Variants in PTPRT observed in about 807,000 individuals in gnomAD.
PTPRT encodes the protein protein tyrosine phosphatase receptor type T, also known as receptor-type tyrosine-protein phosphatase T.
PTPRT carries 56 observed loss-of-function variants against 176.8 expected under a neutral mutation model. That is an observed-to-expected ratio of 0.32 (90% confidence interval 0.26 to 0.40). The LOEUF is 0.40. Ranked by LOEUF, PTPRT falls within the 10% of genes least tolerant of loss-of-function variation. PTPRT has a pLI of 1.00. For synonymous variants in PTPRT, 783 were observed against 739.0 expected, an observed-to-expected ratio of 1.06 and a Z score of -0.96; for missense variants, 1,540 against 1,908.2, an observed-to-expected ratio of 0.81 and a Z score of 3.60.
chr20:42,638,605 G>T (rs945075010), intron 7 of PTPRT, among the ~76,000 whole-genome samples: 3 of 151,978 alleles, frequency 2.0e-5, no homozygotes, highest in Non-Finnish European at 4.4e-5. Flanking sequence ...TTAAAAGCAG[G>T]ATATAAAATA....
intron 7 of PTPRT, among the ~76,000 whole-genome samples, chr20:42,613,778 T>A (rs1283856944): frequency 2.6e-5 from 4 of 152,196 alleles, no homozygotes; most frequent in Non-Finnish European, 5.9e-5. Flanking sequence ...TTCCTTTCTA[T>A]TCAGTCTCTT....
chr20:42,725,959 G>A (rs1432572668), intron 6 of PTPRT, among the ~76,000 whole-genome samples: 1 of 151,680 alleles, frequency 6.6e-6, no homozygotes, highest in Non-Finnish European at 1.5e-5. Context: ...GGTATAATTT[G>A]CCCACCTCAA....
At chr20:42,487,655 G>A (rs763909202) in intron 7 of PTPRT, among the ~76,000 whole-genome samples, 2 of 152,142 alleles carry the variant, frequency 1.3e-5, no homozygotes, top group Non-Finnish European at 2.9e-5. Flanking sequence ...GCAAGCAAAG[G>A]CATAGAAGTG....
intron 9 of PTPRT, among the ~76,000 whole-genome samples, chr20:42,445,770 A>G (rs531494230): frequency 1.3e-5 from 2 of 152,330 alleles, no homozygotes; most frequent in Admixed American, 6.5e-5. Flanking sequence ...TGGGAATGCC[A>G]ACATCCCTGG....
At chr20:42,043,386 T>C in the PTPRT span, among the ~76,000 whole-genome samples, 1 of 152,030 alleles carries the variant, frequency 6.6e-6, no homozygotes, top group Non-Finnish European at 1.5e-5. Context: ...ATAGGAAGAG[T>C]CTATTTCCCA....
chr20:42,293,010 G>T (rs1036615023), intron 12 of PTPRT, among the ~76,000 whole-genome samples: 1 of 152,168 alleles, frequency 6.6e-6, no homozygotes, highest in Non-Finnish European at 1.5e-5. Flanking sequence ...TGCAGGATAG[G>T]TGGCTATTGG....
intron 4 of PTPRT, among the ~76,000 whole-genome samples, chr20:42,773,272 T>G (rs1030086491): frequency 6.6e-6 from 1 of 152,218 alleles, no homozygotes; most frequent in African/African-American, 2.4e-5. Flanking sequence ...CCAAGAATCT[T>G]GGAACAATTA....
rs185494327 is a variant in PTPRT at position 43,109,432 on chromosome 20, G to A, written c.88+80214C>T. Reference sequence around the variant, plus strand: ...ACCCACCAAAACCGGGCCTGATCTCGACTCTGAGCACTTAGTTGTGAGACC... The same window carrying A: ...ACCCACCAAAACCGGGCCTGATCTCAACTCTGAGCACTTAGTTGTGAGACC... On this transcript the variant is annotated intron_variant, in intron 1 of 30. Coordinates refer to ENST00000373187, the MANE Select transcript of PTPRT (RefSeq NM_007050.6). 2.0e-3 allele frequency among the ~76,000 whole-genome samples: 304 copies of A among 152,124 alleles called. 12 individuals carry two copies. The highest frequency in any genetic ancestry group is 0.02 in the Admixed American group (301 of 15,294).
At chr20:42,574,632 G>A (rs772219268) in intron 7 of PTPRT, among the ~76,000 whole-genome samples, 5 of 152,220 alleles carry the variant, frequency 3.3e-5, no homozygotes, top group East Asian at 1.9e-4. Context: ...GAGCAGGCTC[G>A]GGTGGACAGA....
chr20:42,635,133 C>T (rs2074566360), intron 7 of PTPRT, among the ~76,000 whole-genome samples: 1 of 152,084 alleles, frequency 6.6e-6, no homozygotes, highest in Admixed American at 6.6e-5. Flanking sequence ...GAAAGGCAAG[C>T]ATCCTCTTGG....
intron 6 of PTPRT, among the ~76,000 whole-genome samples, chr20:42,745,581 C>T (rs1461641221): frequency 6.6e-6 from 1 of 152,142 alleles, no homozygotes; most frequent in African/African-American, 2.4e-5. Context: ...GCAGAGGCTG[C>T]AGTGTTTCAG....
chr20:42,660,086 T>C (rs774554618), intron 7 of PTPRT, among the ~76,000 whole-genome samples: 1 of 152,154 alleles, frequency 6.6e-6, no homozygotes, highest in Non-Finnish European at 1.5e-5. Flanking sequence ...TGAGGACCAA[T>C]AGAAATTGTG....
At chr20:42,627,766 A>T (rs555759711) in intron 7 of PTPRT, among the ~76,000 whole-genome samples, 102 of 151,508 alleles carry the variant, frequency 6.7e-4, no homozygotes, top group East Asian at 6.0e-3. Context: ...TTTTTTTTTT[A>T]AAAAAAGCTT....
chr20:42,736,851 C>G (rs1454101783), intron 6 of PTPRT, among the ~76,000 whole-genome samples: 1 of 152,174 alleles, frequency 6.6e-6, no homozygotes, highest in East Asian at 1.9e-4. Flanking sequence ...CAGCCCCCAG[C>G]CTCTCAGCCA....
intron 1 of PTPRT, among the ~76,000 whole-genome samples, chr20:42,931,733 G>A (rs1979864997): frequency 1.3e-5 from 2 of 152,198 alleles, no homozygotes; most frequent in Admixed American, 1.3e-4. Context: ...ACACAGCGTA[G>A]GCGCTCAACA....
At chr20:43,041,928 T>C (rs1303829446) in intron 1 of PTPRT, among the ~76,000 whole-genome samples, 2 of 152,270 alleles carry the variant, frequency 1.3e-5, no homozygotes, top group East Asian at 1.9e-4. Flanking sequence ...TAATGTTTAC[T>C]GACCCTTGGT....
chr20:42,426,588 C>T (rs1254759032), intron 9 of PTPRT, among the ~76,000 whole-genome samples: 1 of 152,230 alleles, frequency 6.6e-6, no homozygotes, highest in African/African-American at 2.4e-5. Flanking sequence ...AAGCCGTCTG[C>T]AGATGGCAGA....
At chr20:42,726,431 G>A (rs1273312935) in intron 6 of PTPRT, among the ~76,000 whole-genome samples, 2 of 152,144 alleles carry the variant, frequency 1.3e-5, no homozygotes, top group Non-Finnish European at 2.9e-5. Flanking sequence ...AGGGGCCTAC[G>A]GCCATGGAGT....
At chr20:43,089,620 T>C (rs2011742517) in intron 1 of PTPRT, among the ~76,000 whole-genome samples, 1 of 151,848 alleles carries the variant, frequency 6.6e-6, no homozygotes, top group South Asian at 2.1e-4. Flanking sequence ...CCAGGGCAAA[T>C]GGAGAAGGAG....
Sources: gnomAD v4.1 joint callset for allele counts (sites outside exome capture counted in the v4.1 genomes callset) on GRCh38, gnomAD v4.1.1 for gene constraint, MANE v1.5 for transcripts, NCBI Gene and HGNC (gene_info 2026-07-23, HGNC 2026-07-21) for gene names.